DMRTC1: variants seen among roughly 807,000 people sequenced by gnomAD.
The protein encoded by DMRTC1 is doublesex- and mab-3-related transcription factor C1.
For synonymous variants in DMRTC1, 7 were observed against 14.1 expected, an observed-to-expected ratio of 0.50 and a Z score of 1.13; for missense variants, 9 against 34.6, an observed-to-expected ratio of 0.26 and a Z score of 1.86.
At chrX:72,916,101 G>A (rs377213332) in intron 1 of DMRTC1, among the ~76,000 whole-genome samples, 3 of 93,892 alleles carry the variant, frequency 3.2e-5, no homozygotes, top group African/African-American at 5.0e-5. Context: ...CTATGTTCCC[G>A]TGAATCCTGG....
chrX:72,913,490 G>T, intron 1 of DMRTC1: 1 of 422,958 alleles, frequency 2.4e-6, no homozygotes, highest in East Asian at 3.9e-5. Flanking sequence ...TGAAGGGAGA[G>T]AGCTAGCATC....
At position 72,879,847 on chromosome X, in the gene DMRTC1, T is replaced by G. The variant is rs1244650681; in HGVS notation, c.-94-4059A>C. 6.0e-5 allele frequency among the ~76,000 whole-genome samples: 4 copies of G among 67,004 alleles called. No individual in the cohort carries two copies. In the East Asian group the frequency reaches 1.9e-3, roughly 32 times the overall value. 58.2% of individuals were successfully genotyped at this position (67,004 alleles called of 115,157 possible). On this transcript the variant is annotated intron_variant, in intron 1 of 6. Coordinates refer to ENST00000615063, the MANE Select transcript of DMRTC1 (RefSeq NM_033053.3). Reference sequence around the variant, plus strand: ...CTCCCTCCCACCCTTCCTTCCTTCCTTCCTTCCTTCCTTCCTTGGGCTGCT... The same window carrying G: ...CTCCCTCCCACCCTTCCTTCCTTCCGTCCTTCCTTCCTTCCTTGGGCTGCT...
At chrX:72,905,491 A>T (rs1441831345) in intron 1 of DMRTC1, among the ~76,000 whole-genome samples, 2 of 13,213 alleles carry the variant, frequency 1.5e-4, no homozygotes, top group East Asian at 3.0e-3. Context: ...TTTTATTTTA[A>T]TTTTTATTTT....
At chrX:72,913,529 T>C (rs1253446617) in intron 1 of DMRTC1, 1 of 401,963 alleles carries the variant, frequency 2.5e-6, no homozygotes, top group Admixed American at 4.8e-5. Flanking sequence ...CTGTCTGCCC[T>C]CCTCGAGGCA....
chrX:72,872,719 C>A (rs1171709724), intron 6 of DMRTC1, among the ~76,000 whole-genome samples, 155 bp from the exon 7 acceptor site: 4 of 108,131 alleles, frequency 3.7e-5, no homozygotes, highest in African/African-American at 1.4e-4. Context: ...TCTTGCCTCC[C>A]CCAATCCTTC....
chrX:72,913,262 G>T lies in DMRTC1; in HGVS notation c.-95+30313C>A, dbSNP rs1297262568. The stretch of plus-strand genomic sequence containing the variant: ...GCTTTCCTCCCTAGGGGAGGATACC[G>T]GGCACTCGGAATCTGAGACCACCGG... On this transcript the variant is annotated intron_variant, in intron 1 of 6. Coordinates refer to ENST00000615063, the MANE Select transcript of DMRTC1 (RefSeq NM_033053.3). 30 of 906,868 alleles carry T rather than the reference G, an allele frequency of 3.3e-5. 1 individual carries two copies. Among genetic ancestry groups the T allele is most frequent in the Non-Finnish European group, 4.2e-5 (27 of 646,212 alleles). The allele number at this position is 906,868 out of a possible 1,213,427, so 74.7% of individuals were successfully genotyped here. A position where few individuals can be genotyped will look rare whatever the true frequency, so the allele number is the denominator to read the frequency against.
chrX:72,886,668 CTTTG>C (rs1271928642), intron 1 of DMRTC1, among the ~76,000 whole-genome samples: 1 of 30,613 alleles, frequency 3.3e-5, no homozygotes, highest in Non-Finnish European at 5.6e-5. Context: ...ATGCCTCCAG[CTTTG>C]TTTGTTTGCT....
intron 1 of DMRTC1, among the ~76,000 whole-genome samples, chrX:72,881,957 G>A (rs1274102533): frequency 1.7e-5 from 2 of 114,594 alleles, no homozygotes; most frequent in Non-Finnish European, 3.7e-5. Flanking sequence ...CTTAACTAAG[G>A]TATTTTTCAG....
intron 1 of DMRTC1, among the ~76,000 whole-genome samples, chrX:72,879,353 T>TC (rs2054829247): frequency 9.0e-5 from 1 of 11,166 alleles, no homozygotes; most frequent in African/African-American, 4.4e-4. Flanking sequence ...TTCTTTGCTT[T>TC]CCTTTCCCTT....
At chrX:72,874,708 T>TCCCCCA in intron 4 of DMRTC1, 117 bp downstream of exon 4, 1 of 309,484 alleles carries the variant, frequency 3.2e-6, no homozygotes, top group Non-Finnish European at 4.7e-6. Flanking sequence ...CTGCTCCTCC[T>TCCCCCA]CCCCCTCCAC....
chrX:72,906,033 A>G (rs1414449607), intron 1 of DMRTC1, among the ~76,000 whole-genome samples: 1 of 73,389 alleles, frequency 1.4e-5, no homozygotes, highest in Non-Finnish European at 2.4e-5. Flanking sequence ...TCAGGGAAAT[A>G]AAATCAGAAA....
intron 1 of DMRTC1, among the ~76,000 whole-genome samples, chrX:72,918,286 A>T: frequency 6.8e-5 from 3 of 44,350 alleles, no homozygotes; most frequent in Non-Finnish European, 9.6e-5. Context: ...CGATGCTATT[A>T]CTCTTTGTGG....
rs1288067551 is a variant in DMRTC1 at position 72,887,001 on chromosome X, T to C, written c.-94-11213A>G. Among the ~76,000 whole-genome samples, 9 of 99,521 alleles carry C rather than the reference T, an allele frequency of 9.0e-5. No individual in the cohort carries two copies. The East Asian group carries it at 2.8e-3, about 31-fold the overall frequency. The allele number at this position is 99,521 out of a possible 115,157, so 86.4% of individuals were successfully genotyped here. ...TACTTTTTTTTTTTTGTAGCTACTGTAAATGGGGTTGCCCTTTTTTTTTTT... is the reference window on the plus strand; with the variant it reads ...TACTTTTTTTTTTTTGTAGCTACTGCAAATGGGGTTGCCCTTTTTTTTTTT... On this transcript the variant is annotated intron_variant, in intron 1 of 6. Coordinates refer to ENST00000615063, the MANE Select transcript of DMRTC1 (RefSeq NM_033053.3).
rs1464132767 is a variant in DMRTC1 at position 72,872,564 on chromosome X, G to A, written c.467C>T (p.Ala156Val). The change falls in exon 7 of 7, where the codon GCT becomes GTT. Residue 156 changes from alanine (A) to valine (V), a missense_variant and splice_region_variant. Transcript: ENST00000615063. ...CTGGAATCCTTTATCTCCAGCAGGA[G>A]CTGTGGACAGAAAGGAAGGGGCCAG... ...ISLHQPCNPP[A>V]PAGDKGFQPP... The A allele has an allele frequency of 9.1e-7, 1 of 1,099,177 alleles. No individual in the cohort carries two copies. Among genetic ancestry groups the A allele is most frequent in the Non-Finnish European group, 1.2e-6 (1 of 835,465 alleles). 90.6% of individuals were successfully genotyped at this position (1,099,177 alleles called of 1,213,427 possible).
At chrX:72,911,856 CAG>C (rs1400037128) in intron 1 of DMRTC1, among the ~76,000 whole-genome samples, 10 of 81,391 alleles carry the variant, frequency 1.2e-4, no homozygotes, top group East Asian at 4.3e-4. Context: ...GTTTTTGAGA[CAG>C]AGTCTCCTTC....
intron 1 of DMRTC1, chrX:72,913,251 G>C: frequency 1.1e-6 from 1 of 919,902 alleles, no homozygotes; most frequent in Non-Finnish European, 1.5e-6. Flanking sequence ...TCCTCCCTAG[G>C]GGAGGATACC....
At chrX:72,886,993 A>T (rs1454389578) in intron 1 of DMRTC1, among the ~76,000 whole-genome samples, 2 of 104,442 alleles carry the variant, frequency 1.9e-5, no homozygotes, top group Admixed American at 9.9e-5. Flanking sequence ...TTTTTTTTGT[A>T]GCTACTGTAA....
intron 1 of DMRTC1, chrX:72,913,509 C>T: frequency 2.4e-6 from 1 of 412,627 alleles, no homozygotes. Context: ...TCTTCCTTAG[C>T]CCTGTTAGGC....
intron 1 of DMRTC1, among the ~76,000 whole-genome samples, chrX:72,902,850 G>A: frequency 2.6e-5 from 1 of 38,868 alleles, no homozygotes; most frequent in Non-Finnish European, 3.9e-5. Context: ...AGGTAGAGGA[G>A]GAGGGAATAC....
Sources: gnomAD v4.1 joint callset for allele counts (sites outside exome capture counted in the v4.1 genomes callset) on GRCh38, gnomAD v4.1.1 for gene constraint, MANE v1.5 for transcripts, NCBI Gene and HGNC (gene_info 2026-07-23, HGNC 2026-07-21) for gene names.